SPMIP2: variants seen among roughly 807,000 people sequenced by gnomAD.
The protein encoded by SPMIP2 is sperm microtubule inner protein 2.
chr4:158,904,399 GAAATAATACTTTCTCATAAAACC>G, the SPMIP2 span: 1 of 1,373,284 alleles, frequency 7.3e-7, no homozygotes, highest in Non-Finnish European at 1.0e-6. Flanking sequence ...CTCATAAAAA[GAAATAATACTTTCTCATAAAACC>G]ATGCTCTTTT....
chr4:158,962,223 A>T, the SPMIP2 span, among the ~76,000 whole-genome samples: 4 of 152,186 alleles, frequency 2.6e-5, no homozygotes, highest in African/African-American at 9.6e-5. Context: ...AAAAATTAAA[A>T]TCATTGCTTA....
chr4:159,026,413 G>C, the SPMIP2 span: 1 of 984,354 alleles, frequency 1.0e-6, no homozygotes, highest in Non-Finnish European at 1.6e-6. Context: ...TCAGCATCAG[G>C]AGTGGGATGG....
chr4:158,897,668 C>T, the SPMIP2 span, among the ~76,000 whole-genome samples: 10 of 152,090 alleles, frequency 6.6e-5, no homozygotes, highest in Admixed American at 6.6e-5. Context: ...TCATATCCTT[C>T]ACCCACTTTT....
the SPMIP2 span, among the ~76,000 whole-genome samples, chr4:158,937,073 T>C: frequency 5.5e-3 from 835 of 152,334 alleles, 11 homozygotes; most frequent in African/African-American, 0.019. Context: ...TTTAGACGTA[T>C]CATCATTGAG....
At chr4:158,893,819 A>G in the SPMIP2 span, 1 of 748,704 alleles carries the variant, frequency 1.3e-6, no homozygotes, top group Non-Finnish European at 2.2e-6. Context: ...GTCACAGTTG[A>G]TATCTTGGTT....
chr4:158,910,081 CTG>C, the SPMIP2 span, among the ~76,000 whole-genome samples: 1 of 152,020 alleles, frequency 6.6e-6, no homozygotes, highest in East Asian at 1.9e-4. Context: ...GGGTCTCACT[CTG>C]TTGCCCAGGC....
At chr4:158,951,004 G>C in the SPMIP2 span, among the ~76,000 whole-genome samples, 2 of 152,212 alleles carry the variant, frequency 1.3e-5, no homozygotes, top group Non-Finnish European at 2.9e-5. Flanking sequence ...CAGTGAGCTA[G>C]AGATGTTTCC....
the SPMIP2 span, among the ~76,000 whole-genome samples, chr4:158,947,470 A>G: frequency 6.6e-6 from 1 of 152,184 alleles, no homozygotes; most frequent in African/African-American, 2.4e-5. Context: ...TATTCAGGTC[A>G]GTGAATATTT....
At chr4:159,080,433 T>C in the SPMIP2 span, among the ~76,000 whole-genome samples, 3 of 152,094 alleles carry the variant, frequency 2.0e-5, no homozygotes, top group African/African-American at 7.2e-5. Flanking sequence ...CTGCCCAGGC[T>C]GGTCTTGAAC....
At chr4:158,953,602 G>T in the SPMIP2 span, among the ~76,000 whole-genome samples, 2 of 152,176 alleles carry the variant, frequency 1.3e-5, no homozygotes, top group African/African-American at 4.8e-5. Flanking sequence ...CTGTCCTCCA[G>T]ACCCCAGAAT....
the SPMIP2 span, among the ~76,000 whole-genome samples, chr4:158,910,990 G>C: frequency 6.6e-6 from 1 of 152,184 alleles, no homozygotes; most frequent in East Asian, 1.9e-4. Flanking sequence ...AAATGGAGTT[G>C]AGTAGGATCA....
chr4:158,983,920 T>C, the SPMIP2 span, among the ~76,000 whole-genome samples: 10 of 116,808 alleles, frequency 8.6e-5, no homozygotes, highest in African/African-American at 9.9e-5. Flanking sequence ...CAGAGACACA[T>C]ATAGGCTCAA....
At chr4:159,017,712 A>G in the SPMIP2 span, among the ~76,000 whole-genome samples, 1 of 152,182 alleles carries the variant, frequency 6.6e-6, no homozygotes, top group African/African-American at 2.4e-5. Context: ...CCGCTTCACA[A>G]GATAGTTTCT....
the SPMIP2 span, among the ~76,000 whole-genome samples, chr4:158,925,286 G>C: frequency 1.3e-5 from 2 of 152,034 alleles, 1 homozygote; most frequent in African/African-American, 4.8e-5. Flanking sequence ...TCTTTCTACG[G>C]ATTTATCAAT....
chr4:158,986,854 A>G, the SPMIP2 span, among the ~76,000 whole-genome samples: 3 of 146,066 alleles, frequency 2.1e-5, no homozygotes, highest in African/African-American at 7.5e-5. Context: ...AACCTACAAA[A>G]TGGGAGAAAA....
At chr4:158,939,904 A>G in the SPMIP2 span, among the ~76,000 whole-genome samples, 1 of 152,130 alleles carries the variant, frequency 6.6e-6, no homozygotes, top group African/African-American at 2.4e-5. Flanking sequence ...TTCTGATAAC[A>G]TCTCCACGAT....
the SPMIP2 span, among the ~76,000 whole-genome samples, chr4:158,977,713 C>T: frequency 4.7e-5 from 7 of 149,518 alleles, no homozygotes; most frequent in African/African-American, 1.7e-4. Flanking sequence ...CTCCCGGGTT[C>T]ACGCCATTCT....
chr4:159,058,851 C>T, the SPMIP2 span, among the ~76,000 whole-genome samples: 2 of 152,058 alleles, frequency 1.3e-5, no homozygotes, highest in African/African-American at 4.8e-5. Context: ...TAATATTTTA[C>T]AAAGCACTTT....
At chr4:159,069,258 G>A in the SPMIP2 span, among the ~76,000 whole-genome samples, 2 of 152,080 alleles carry the variant, frequency 1.3e-5, no homozygotes, top group East Asian at 1.9e-4. Context: ...GGCCAAGATC[G>A]TGCCACTGCA....
Sources: allele counts gnomAD v4.1 joint callset (sites outside exome capture counted in the v4.1 genomes callset), GRCh38; gene constraint gnomAD v4.1.1; transcripts MANE v1.5; gene names NCBI Gene and HGNC (gene_info 2026-07-23, HGNC 2026-07-21).